The following RBMS3 variants were observed in gnomAD, a reference collection of about 807,000 sequenced individuals.
RBMS3 encodes RNA-binding motif, single-stranded-interacting protein 3.
In RBMS3, 27 loss-of-function variants were observed where a neutral mutation model predicts 66.8. That is an observed-to-expected ratio of 0.40 (90% CI 0.30 to 0.56). RBMS3 has a LOEUF of 0.56. RBMS3 is among the 20% of genes least tolerant of loss of function. RBMS3 has a pLI of 0.40. For missense variants in RBMS3, 513 were observed against 549.5 expected, an observed-to-expected ratio of 0.93 and a Z score of 0.66; for synonymous variants, 188 against 183.0, an observed-to-expected ratio of 1.03 and a Z score of -0.22.
intron 10 of RBMS3, among the ~76,000 whole-genome samples, chr3:29,929,861 C>T (rs949057712): frequency 1.3e-5 from 2 of 151,870 alleles, no homozygotes; most frequent in Non-Finnish European, 2.9e-5. Flanking sequence ...CCTGTCCAAG[C>T]ATAGGAAAGA....
intron 10 of RBMS3, among the ~76,000 whole-genome samples, chr3:29,922,412 G>A (rs982437825): frequency 2.0e-5 from 3 of 149,988 alleles, no homozygotes; most frequent in South Asian, 2.1e-4. Context: ...GCGTGAACCC[G>A]GGAAGCGGAG....
intron 11 of RBMS3, among the ~76,000 whole-genome samples, chr3:29,943,549 C>G (rs528194496): frequency 6.6e-6 from 1 of 151,832 alleles, no homozygotes; most frequent in South Asian, 2.1e-4. Context: ...AATTTGACAC[C>G]TTCAATGCTA....
chr3:29,826,857 T>G (rs1576923720), intron 6 of RBMS3, among the ~76,000 whole-genome samples: 1 of 152,144 alleles, frequency 6.6e-6, no homozygotes, highest in Non-Finnish European at 1.5e-5. Flanking sequence ...ATAGAAATAG[T>G]CACAAGAATT....
At chr3:29,928,211 T>TATATACACACACACAC (rs1291440563) in intron 10 of RBMS3, among the ~76,000 whole-genome samples, 1 of 93,508 alleles carries the variant, frequency 1.1e-5, no homozygotes, top group African/African-American at 4.2e-5. Context: ...TATATATATA[T>TATATACACACACACAC]ACACACACAC....
intron 1 of RBMS3, among the ~76,000 whole-genome samples, chr3:29,407,766 A>G (rs2040087025): frequency 6.6e-6 from 1 of 152,194 alleles, no homozygotes; most frequent in Non-Finnish European, 1.5e-5. Flanking sequence ...AGTCAATGCA[A>G]ATGATTATCC....
At chr3:29,848,928 A>G (rs992691130) in intron 6 of RBMS3, among the ~76,000 whole-genome samples, 1 of 152,220 alleles carries the variant, frequency 6.6e-6, no homozygotes, top group Non-Finnish European at 1.5e-5. Flanking sequence ...CACATTGTGA[A>G]TGCTAGAATT....
chr3:29,913,647 T>C (rs948963335), intron 10 of RBMS3, among the ~76,000 whole-genome samples: 2 of 152,010 alleles, frequency 1.3e-5, no homozygotes, highest in Non-Finnish European at 2.9e-5. Context: ...CAACTTGGGT[T>C]CTGAATAATA....
chr3:29,702,595 C>G (rs1356993182), intron 4 of RBMS3, among the ~76,000 whole-genome samples: 4 of 152,174 alleles, frequency 2.6e-5, no homozygotes, highest in Admixed American at 2.6e-4. Context: ...CCACAAAGGT[C>G]TGCAGCTTCA....
chr3:29,558,747 T>G (rs1285406143), intron 3 of RBMS3, among the ~76,000 whole-genome samples: 1 of 150,662 alleles, frequency 6.6e-6, no homozygotes, highest in Non-Finnish European at 1.5e-5. Context: ...TCACAACTAT[T>G]TATATGCTGG....
chr3:29,962,888 T>C (rs1376796419), intron 12 of RBMS3, among the ~76,000 whole-genome samples: 1 of 152,122 alleles, frequency 6.6e-6, no homozygotes, highest in African/African-American at 2.4e-5. Context: ...TTTTTTCTTC[T>C]ATTTTTCTCT....
intron 4 of RBMS3, among the ~76,000 whole-genome samples, chr3:29,638,235 T>TC (rs2049546976): frequency 6.6e-6 from 1 of 151,412 alleles, no homozygotes; most frequent in African/African-American, 2.4e-5. Flanking sequence ...TGTAGTAATT[T>TC]TTTTTTTTTA....
intron 1 of RBMS3, among the ~76,000 whole-genome samples, chr3:29,312,702 CT>C (rs141418268): frequency 9.0e-4 from 133 of 147,932 alleles, no homozygotes; most frequent in South Asian, 7.7e-3. Flanking sequence ...CTTCCCTCTC[CT>C]TTTTTTTTTC....
At chr3:29,432,957 A>G (rs1229840325) in intron 1 of RBMS3, among the ~76,000 whole-genome samples, 1 of 152,188 alleles carries the variant, frequency 6.6e-6, no homozygotes, top group Non-Finnish European at 1.5e-5. Flanking sequence ...AGGATTCTAC[A>G]TACAAAGTTT....
At chr3:29,726,556 A>G (rs191334771) in intron 4 of RBMS3, among the ~76,000 whole-genome samples, 364 of 152,284 alleles carry the variant, frequency 2.4e-3, no homozygotes, top group Non-Finnish European at 2.0e-3. Flanking sequence ...TCATTCTTAT[A>G]CACCAACAAG....
At chr3:29,702,732 A>T (rs1576566174) in intron 4 of RBMS3, among the ~76,000 whole-genome samples, 2 of 152,272 alleles carry the variant, frequency 1.3e-5, no homozygotes, top group South Asian at 4.1e-4. Context: ...TGTAACACTC[A>T]CCGTGAAGGT....
At chr3:29,530,642 A>C (rs959800247) in intron 3 of RBMS3, among the ~76,000 whole-genome samples, 2 of 151,366 alleles carry the variant, frequency 1.3e-5, no homozygotes, top group Admixed American at 6.6e-5. Context: ...CGATTGAATC[A>C]CAAGGTCAGG....
intron 14 of RBMS3, among the ~76,000 whole-genome samples, chr3:29,992,061 T>G (rs1277452074): frequency 6.6e-6 from 1 of 152,148 alleles, no homozygotes; most frequent in Non-Finnish European, 1.5e-5. Flanking sequence ...AAAAGTAAAG[T>G]CTTCATACAA....
At chr3:29,768,300 T>C (rs995190404) in intron 6 of RBMS3, among the ~76,000 whole-genome samples, 3 of 151,978 alleles carry the variant, frequency 2.0e-5, no homozygotes, top group Admixed American at 6.6e-5. Context: ...GAATTTGATA[T>C]GGTCAATCAG....
At chr3:29,444,214 AT>A (rs11294104) in intron 2 of RBMS3, among the ~76,000 whole-genome samples, 71,202 of 151,854 alleles carry the variant, frequency 0.47, 16,853 homozygotes, top group South Asian at 0.58. Context: ...TGTTCTAAGT[AT>A]TTTGCACGTG....
Sources: allele counts gnomAD v4.1 joint callset (sites outside exome capture counted in the v4.1 genomes callset), GRCh38; gene constraint gnomAD v4.1.1; transcripts MANE v1.5; gene names NCBI Gene and HGNC (gene_info 2026-07-23, HGNC 2026-07-21).